NDRG1: variants seen among roughly 807,000 people sequenced by gnomAD.
NDRG1 encodes the protein protein NDRG1.
In NDRG1, 32 loss-of-function variants were observed where a neutral mutation model predicts 56.9. The ratio of observed to expected loss-of-function variants is 0.56; its 90% CI spans 0.42 to 0.76. NDRG1 has a LOEUF of 0.76. NDRG1 is among the 30% of genes least tolerant of loss of function. The probability of loss-of-function intolerance (pLI) is 0.00; values close to 1 mark genes in which losing one functional copy is unlikely to be tolerated. For synonymous variants in NDRG1, 211 were observed against 204.1 expected (o/e 1.03, Z -0.29); for missense variants, 507 against 545.7 (o/e 0.93, Z 0.71).
intron 11 of NDRG1, 25 bp downstream of exon 11, chr8:133,248,690 G>T: frequency 1.2e-6 from 2 of 1,614,098 alleles, no homozygotes; most frequent in South Asian, 2.2e-5. Context: ...GACTGCAAGT[G>T]CTGGGGGAGA....
At chr8:133,253,982 A>T (rs914885148) in intron 9 of NDRG1, among the ~76,000 whole-genome samples, 2 of 152,248 alleles carry the variant, frequency 1.3e-5, no homozygotes, top group East Asian at 3.9e-4. Context: ...GATTATAGGA[A>T]TGAGCACTGC....
chr8:133,256,278 G>C (rs1001223702), intron 8 of NDRG1: 3 of 162,752 alleles, frequency 1.8e-5, no homozygotes, highest in African/African-American at 7.2e-5. Flanking sequence ...CTAGCACATG[G>C]TAAACTCTCA....
chr8:133,275,931 T>C (rs952293371), intron 3 of NDRG1, among the ~76,000 whole-genome samples: 10 of 152,174 alleles, frequency 6.6e-5, no homozygotes, highest in African/African-American at 2.2e-4. Context: ...AGAATTTAGG[T>C]TCCTGAAAAC....
chr8:133,268,633 T>A (rs1438535594), intron 3 of NDRG1, among the ~76,000 whole-genome samples: 1 of 152,098 alleles, frequency 6.6e-6, no homozygotes, highest in East Asian at 1.9e-4. Context: ...GGGAGGCCCA[T>A]CAATCCCATT....
At chr8:133,287,947 A>G (rs879737180) in intron 1 of NDRG1, among the ~76,000 whole-genome samples, 88 of 144,372 alleles carry the variant, frequency 6.1e-4, no homozygotes, top group African/African-American at 1.6e-3. Flanking sequence ...GCACACACGC[A>G]CACACACACA....
intron 13 of NDRG1, chr8:133,244,665 A>C: frequency 3.5e-6 from 2 of 565,738 alleles, no homozygotes; most frequent in African/African-American, 1.9e-5. Flanking sequence ...CCCAAGAACC[A>C]TGGAAGGTAC....
At position 133,254,670 on chromosome 8, in the gene NDRG1, C is replaced by T. The variant is rs1856271977; in HGVS notation, c.538-75G>A. Reference sequence around the variant, plus strand: ...TAACAAGGTCAGCAAAACCCCACTTCCCTGGGTGCAGGGTGGCATTGCTGG... The same window carrying T: ...TAACAAGGTCAGCAAAACCCCACTTTCCTGGGTGCAGGGTGGCATTGCTGG... On this transcript the variant is annotated intron_variant, in intron 8 of 15. Transcript: ENST00000323851. The T allele has an allele frequency of 3.4e-6, 5 of 1,477,952 alleles. No homozygotes were observed. The Admixed American group carries it at 9.2e-5, about 27-fold the overall frequency. The allele number at this position is 1,477,952 out of a possible 1,614,324, so 91.6% of individuals were successfully genotyped here.
chr8:133,288,713 G>A (rs1415957231), intron 1 of NDRG1, among the ~76,000 whole-genome samples: 3 of 152,196 alleles, frequency 2.0e-5, no homozygotes, highest in African/African-American at 7.2e-5. Flanking sequence ...CAGCATGGCG[G>A]GGGAACCAGG....
At chr8:133,286,071 T>C (rs1296065064) in intron 1 of NDRG1, among the ~76,000 whole-genome samples, 1 of 152,216 alleles carries the variant, frequency 6.6e-6, no homozygotes, top group Non-Finnish European at 1.5e-5. Context: ...GGGCTCTCAC[T>C]GTCCCACCAG....
At chr8:133,254,428 C>T in intron 9 of NDRG1, 111 bp downstream of exon 9, 1 of 1,066,066 alleles carries the variant, frequency 9.4e-7, no homozygotes, top group Non-Finnish European at 1.4e-6. Flanking sequence ...GCTCGGTGGC[C>T]CCCAGTTGAT....
At chr8:133,296,183 G>A (rs1289138830) in intron 1 of NDRG1, among the ~76,000 whole-genome samples, 7 of 150,422 alleles carry the variant, frequency 4.7e-5, no homozygotes, top group Non-Finnish European at 1.0e-4. Context: ...GATCCCCCAG[G>A]AACGTCGAAG....
intron 3 of NDRG1, among the ~76,000 whole-genome samples, chr8:133,266,549 G>A (rs1856929159): frequency 6.6e-6 from 1 of 152,162 alleles, no homozygotes; most frequent in Admixed American, 6.5e-5. Flanking sequence ...CCTCCTAGAG[G>A]TGCTGAAGGC....
At position 133,247,881 on chromosome 8, in the gene NDRG1, A is replaced by G; in HGVS notation, c.801T>C (p.Asp267=). The G allele has an allele frequency of 1.2e-6, 2 of 1,614,122 alleles. No individual in the cohort carries two copies. The highest frequency in any genetic ancestry group is 1.7e-6 in the Non-Finnish European group (2 of 1,180,022). The part of the protein sequence containing the change: ...LVVGDSSPAV[D]AVVECNSKLD... The stretch of plus-strand genomic sequence containing the variant: ...AGCTGTGATTTCTACATACCACGGC[A>G]TCCACTGCAGGCGAGCTGTCCCCAA... The change falls in exon 12 of 16, where the codon GAT becomes GAC. Residue 267 remains aspartate, a synonymous_variant. Transcript: ENST00000323851.
intron 3 of NDRG1, among the ~76,000 whole-genome samples, chr8:133,274,644 A>C (rs1857362965): frequency 2.0e-5 from 3 of 152,226 alleles, no homozygotes; most frequent in African/African-American, 7.2e-5. Flanking sequence ...GCTGAACATA[A>C]GCCCAATGAA....
intron 1 of NDRG1, among the ~76,000 whole-genome samples, chr8:133,289,102 G>A (rs193213492): frequency 6.6e-6 from 1 of 152,266 alleles, no homozygotes; most frequent in East Asian, 1.9e-4. Context: ...TTTTTAGAGA[G>A]ACAGGGTCTT....
intron 2 of NDRG1, among the ~76,000 whole-genome samples, chr8:133,282,747 G>A (rs1207055450): frequency 1.3e-5 from 2 of 152,176 alleles, no homozygotes; most frequent in African/African-American, 2.4e-5. Flanking sequence ...TTGCTATAAT[G>A]GCAAAGTTGA....
At chr8:133,277,731 A>G (rs1376010634) in intron 3 of NDRG1, among the ~76,000 whole-genome samples, 1 of 152,216 alleles carries the variant, frequency 6.6e-6, no homozygotes, top group African/African-American at 2.4e-5. Context: ...ATAATTCGGG[A>G]AAACACTCCA....
rs573040129 is a variant in NDRG1, at chr8:133,255,750, C to T, written c.537+1027G>A. On this transcript the variant is annotated intron_variant, in intron 8 of 15. Coordinates refer to ENST00000323851, the MANE Select transcript of NDRG1 (RefSeq NM_006096.4). ...AAGAGGCAGGGCCCCTTCAAACCAT[C>T]GGTCCCTGGCAGCCACCCAAAATTG... 8.8e-5 allele frequency: 15 copies of T among 170,356 alleles called. No homozygotes were observed. In the East Asian group the frequency reaches 2.3e-3, roughly 26 times the overall value. 10.6% of individuals were successfully genotyped at this position (170,356 alleles called of 1,614,324 possible). A position where few individuals can be genotyped will look rare whatever the true frequency, so the allele number is the denominator to read the frequency against.
At chr8:133,248,608 A>T in intron 11 of NDRG1, 107 bp downstream of exon 11, 1 of 1,304,756 alleles carries the variant, frequency 7.7e-7, no homozygotes, top group Non-Finnish European at 1.1e-6. Flanking sequence ...TCCAGGTCTC[A>T]CTGACACAAT....
Sources: allele counts gnomAD v4.1 joint callset (sites outside exome capture counted in the v4.1 genomes callset), GRCh38; gene constraint gnomAD v4.1.1; transcripts MANE v1.5; gene names NCBI Gene and HGNC (gene_info 2026-07-23, HGNC 2026-07-21).